The following LRP1B variants were observed in gnomAD, a reference collection of about 807,000 sequenced individuals.
LRP1B encodes low-density lipoprotein receptor-related protein 1B.
LRP1B carries 217 observed loss-of-function variants against 556.6 expected under a neutral mutation model. The ratio of observed to expected loss-of-function variants is 0.39; its 90% confidence interval spans 0.35 to 0.44. The LOEUF (loss-of-function observed/expected upper bound fraction) is 0.44. Ranked by LOEUF, LRP1B falls within the 20% of genes least tolerant of loss-of-function variation. LRP1B has a pLI of 1.00. For missense variants in LRP1B, 5,053 were observed against 5,620.8 expected (o/e 0.90, Z 3.23); for synonymous variants, 2,047 against 1,865.8 (o/e 1.10, Z -2.50).
chr2:142,062,233 G>A (rs763032237), intron 1 of LRP1B, among the ~76,000 whole-genome samples: 2 of 151,670 alleles, frequency 1.3e-5, no homozygotes, highest in African/African-American at 4.8e-5. Context: ...AAACTAAAAG[G>A]GTTATTAAAA....
intron 28 of LRP1B, 47 bp from the exon 29 acceptor site, chr2:140,850,376 TG>T (rs1692421581): frequency 8.5e-7 from 1 of 1,173,976 alleles, no homozygotes; most frequent in Non-Finnish European, 1.2e-6. Context: ...TTGGCAAGCT[TG>T]AAAGTCTAGA....
intron 63 of LRP1B, 72 bp from the exon 64 acceptor site, chr2:140,444,751 C>A (rs1445649262): frequency 1.1e-6 from 1 of 870,842 alleles, no homozygotes; most frequent in African/African-American, 1.7e-5. Context: ...GAGTTTCTGA[C>A]ATTCAAGATA....
chr2:141,821,822 G>A (rs1319107855), intron 1 of LRP1B, among the ~76,000 whole-genome samples: 1 of 152,076 alleles, frequency 6.6e-6, no homozygotes, highest in Non-Finnish European at 1.5e-5. Context: ...ATATAAAACC[G>A]AGACAAAATT....
intron 31 of LRP1B, among the ~76,000 whole-genome samples, chr2:140,829,174 C>A (rs572796796): frequency 4.6e-5 from 7 of 151,898 alleles, no homozygotes; most frequent in Non-Finnish European, 1.0e-4. Flanking sequence ...GACTGTAACA[C>A]AATAATAATG....
intron 32 of LRP1B, among the ~76,000 whole-genome samples, chr2:140,799,054 A>G (rs1292561095): frequency 1.3e-5 from 2 of 152,198 alleles, no homozygotes; most frequent in African/African-American, 4.8e-5. Flanking sequence ...ATTTATACAT[A>G]TTAAAGTTTT....
intron 2 of LRP1B, among the ~76,000 whole-genome samples, chr2:141,623,804 C>G (rs766163791): frequency 3.4e-4 from 51 of 151,710 alleles, no homozygotes; most frequent in Non-Finnish European, 4.9e-4. Flanking sequence ...ATCATGAGGT[C>G]AGGAGTTTGA....
At chr2:140,892,430 T>C (rs537437113) in intron 23 of LRP1B, among the ~76,000 whole-genome samples, 34 of 151,978 alleles carry the variant, frequency 2.2e-4, no homozygotes, top group Non-Finnish European at 4.4e-4. Context: ...GGCTAGTGAG[T>C]ATATGGAGAG....
At chr2:140,645,792 C>G (rs1219611438) in intron 41 of LRP1B, among the ~76,000 whole-genome samples, 8 of 151,918 alleles carry the variant, frequency 5.3e-5, no homozygotes, top group African/African-American at 1.9e-4. Flanking sequence ...CCCGCCTCGG[C>G]CTCCCAAAGT....
At chr2:140,354,971 C>G (rs1682143568) in intron 75 of LRP1B, among the ~76,000 whole-genome samples, 1 of 151,872 alleles carries the variant, frequency 6.6e-6, no homozygotes, top group Non-Finnish European at 1.5e-5. Flanking sequence ...ATGTCTTACC[C>G]TTCTTTGACA....
intron 3 of LRP1B, among the ~76,000 whole-genome samples, chr2:141,329,650 A>AAAAAAAAAAACAAAAC: frequency 2.5e-5 from 1 of 40,544 alleles, no homozygotes; most frequent in African/African-American, 1.1e-4. Flanking sequence ...TCTCAAAAAA[A>AAAAAAAAAAACAAAAC]AAAAAAAAAA....
intron 1 of LRP1B, among the ~76,000 whole-genome samples, chr2:141,972,098 T>C (rs1701758160): frequency 6.6e-6 from 1 of 151,644 alleles, no homozygotes. Context: ...CATAACTTGA[T>C]GTTTGCAACT....
intron 23 of LRP1B, among the ~76,000 whole-genome samples, chr2:140,896,422 T>TA (rs1157174656): frequency 4.7e-5 from 7 of 150,018 alleles, no homozygotes; most frequent in Admixed American, 2.6e-4. Context: ...TGTAGAGAAA[T>TA]AAAAAAAAGA....
chr2:141,347,687 A>T (rs747143417), intron 3 of LRP1B, among the ~76,000 whole-genome samples: 27 of 152,170 alleles, frequency 1.8e-4, no homozygotes, highest in Non-Finnish European at 3.1e-4. Context: ...GATCAAAAAA[A>T]GTAGCAGTAC....
intron 86 of LRP1B, among the ~76,000 whole-genome samples, chr2:140,253,365 T>C (rs954416005): frequency 1.3e-5 from 2 of 152,018 alleles, no homozygotes; most frequent in African/African-American, 2.4e-5. Context: ...CGGTAAAAAT[T>C]AATGAGAAGT....
intron 1 of LRP1B, among the ~76,000 whole-genome samples, chr2:141,852,515 T>TA (rs1697900809): frequency 6.6e-6 from 1 of 151,628 alleles, no homozygotes. Context: ...CCTGACAACA[T>TA]AAGAGTTATT....
intron 24 of LRP1B, among the ~76,000 whole-genome samples, chr2:140,885,801 A>T (rs1359999774): frequency 1.2e-3 from 6 of 4,904 alleles, no homozygotes; most frequent in African/African-American, 2.5e-3. Context: ...AGCAAAATTA[A>T]AAAAAAAAAA....
chr2:140,625,214 T>C (rs1683613051), intron 41 of LRP1B, among the ~76,000 whole-genome samples: 1 of 152,310 alleles, frequency 6.6e-6, no homozygotes, highest in African/African-American at 2.4e-5. Context: ...AAGATGACCA[T>C]GCCTGTAATA....
chr2:142,046,636 T>C (rs749520422), intron 1 of LRP1B, among the ~76,000 whole-genome samples: 2 of 151,990 alleles, frequency 1.3e-5, no homozygotes, highest in Non-Finnish European at 2.9e-5. Context: ...TGGCACATTA[T>C]AGGCACTAAA....
chr2:140,331,364 T>C (rs1382812758), intron 79 of LRP1B, among the ~76,000 whole-genome samples: 4 of 152,084 alleles, frequency 2.6e-5, no homozygotes, highest in Admixed American at 6.6e-5. Context: ...ACACACTTGA[T>C]TGAAACAACA....
Sources: allele counts gnomAD v4.1 joint callset (sites outside exome capture counted in the v4.1 genomes callset), GRCh38; gene constraint gnomAD v4.1.1; transcripts MANE v1.5; gene names NCBI Gene and HGNC (gene_info 2026-07-23, HGNC 2026-07-21).